GRAMD1B: variants seen among roughly 807,000 people sequenced by gnomAD.
GRAMD1B encodes the protein GRAM domain containing 1B.
GRAMD1B carries 37 observed loss-of-function variants against 99.7 expected under a neutral mutation model. The ratio of observed to expected loss-of-function variants is 0.37; its 90% confidence interval spans 0.29 to 0.49. The LOEUF (loss-of-function observed/expected upper bound fraction) is 0.49, where lower values mean the gene tolerates loss of function less well. GRAMD1B is among the 20% of genes least tolerant of loss of function. The probability of loss-of-function intolerance (pLI) is 0.98; values close to 1 mark genes in which losing one functional copy is unlikely to be tolerated. For synonymous variants in GRAMD1B, 427 were observed against 387.6 expected (o/e 1.10, Z -1.19); for missense variants, 888 against 1,009.2 (o/e 0.88, Z 1.63).
intron 2 of GRAMD1B, among the ~76,000 whole-genome samples, chr11:123,560,915 G>C (rs1410160295): frequency 6.6e-6 from 1 of 152,212 alleles, no homozygotes; most frequent in African/African-American, 2.4e-5. Context: ...CGGAGTCCAT[G>C]TTGTTTGCTT....
chr11:123,398,360 C>G (rs1947541236), intron 1 of GRAMD1B, among the ~76,000 whole-genome samples: 1 of 152,216 alleles, frequency 6.6e-6, no homozygotes, highest in South Asian at 2.1e-4. Flanking sequence ...CTCTCTTCTT[C>G]TTATAAAGCT....
intron 1 of GRAMD1B, among the ~76,000 whole-genome samples, chr11:123,447,325 C>A (rs1260633399): frequency 6.6e-6 from 1 of 152,158 alleles, no homozygotes; most frequent in Admixed American, 6.5e-5. Flanking sequence ...ACTGAGAAGT[C>A]TAGGGCCATG....
intron 1 of GRAMD1B, among the ~76,000 whole-genome samples, chr11:123,471,962 T>C (rs1951036818): frequency 6.6e-6 from 1 of 152,184 alleles, no homozygotes; most frequent in East Asian, 1.9e-4. Flanking sequence ...TGCAATAAAA[T>C]GGCCATCAAG....
intron 14 of GRAMD1B, 68 bp from the exon 15 acceptor site, chr11:123,612,685 CTCCGAATT>C (rs1283694176): frequency 8.7e-6 from 7 of 808,436 alleles, no homozygotes; most frequent in Non-Finnish European, 1.3e-5. Context: ...CTGGCCTTAA[CTCCGAATT>C]TCCCTTTTCC....
chr11:123,526,195 C>T (rs370308354), intron 2 of GRAMD1B: 17 of 1,604,998 alleles, frequency 1.1e-5, no homozygotes, highest in African/African-American at 8.0e-5. Context: ...GGATAGGGCA[C>T]CTTCCTCTTC....
chr11:123,390,299 C>T (rs548819455), intron 1 of GRAMD1B, among the ~76,000 whole-genome samples: 2 of 152,242 alleles, frequency 1.3e-5, no homozygotes, highest in South Asian at 2.1e-4. Flanking sequence ...CTTGCTCTGG[C>T]GGCAGTGGGG....
intron 1 of GRAMD1B, among the ~76,000 whole-genome samples, chr11:123,388,415 G>A (rs998953593): frequency 1.3e-5 from 2 of 152,052 alleles, no homozygotes; most frequent in African/African-American, 4.8e-5. Context: ...GCTCACACCT[G>A]TAATCCCAGA....
At chr11:123,500,831 T>G (rs945139510) in intron 2 of GRAMD1B, among the ~76,000 whole-genome samples, 1 of 151,880 alleles carries the variant, frequency 6.6e-6, no homozygotes, top group Non-Finnish European at 1.5e-5. Flanking sequence ...ACACCACCAC[T>G]CCTGGCTAAT....
At chr11:123,536,550 C>T (rs1374247029) in intron 2 of GRAMD1B, among the ~76,000 whole-genome samples, 7 of 152,122 alleles carry the variant, frequency 4.6e-5, no homozygotes, top group African/African-American at 9.7e-5. Flanking sequence ...GGGCCTGGCA[C>T]GTTATAAAAG....
At chr11:123,609,654 G>A (rs1219662187) in intron 12 of GRAMD1B, 141 bp from the exon 13 acceptor site, 13 of 559,470 alleles carry the variant, frequency 2.3e-5, no homozygotes, top group East Asian at 1.9e-4. Flanking sequence ...CCCTCCCCCC[G>A]GCCCTCGGGC....
intron 2 of GRAMD1B, among the ~76,000 whole-genome samples, chr11:123,516,926 G>A (rs1268531570): frequency 6.6e-6 from 1 of 152,110 alleles, no homozygotes; most frequent in Admixed American, 6.6e-5. Context: ...CCATAAGTAT[G>A]GTTCTGTTTT....
Position 123,612,805 on chromosome 11 carries a change from T to C in GRAMD1B, c.1964T>C (p.Val655Ala). ...TATCGAAAACAGCCCTGGGGGTTAG[T>C]GAAAACGTTCATCGAGAAGAACTTC... Reference protein sequence around the residue: ...LRYRKQPWGLVKTFIEKNFWS... With the variant: ...LRYRKQPWGLAKTFIEKNFWS... Residue 655 changes from valine (V) to alanine (A), a missense_variant, in exon 15 of 20, where the codon GTG (valine) becomes GCG (alanine). By Grantham distance (64) the Val-to-Ala change is moderately conservative (BLOSUM62 0). This residue lies in a region of GRAMD1B where 92 missense variants were observed against 156.9 expected (regional missense o/e 0.59). Transcript: ENST00000635736. 1 of 1,612,578 alleles carries C rather than the reference T, an allele frequency of 6.2e-7. No individual in the cohort carries two copies. Among genetic ancestry groups the C allele is most frequent in the East Asian group, 2.2e-5 (1 of 44,846 alleles).
In GRAMD1B at chr11:123,435,602, A is replaced by G. The variant is rs992976980; in HGVS notation, c.374+4436A>G. 2.3e-4 allele frequency: 140 copies of G among 609,438 alleles called. 1 individual carries two copies. The South Asian group carries it at 2.7e-3, about 12-fold the overall frequency. 37.8% of individuals were successfully genotyped at this position (609,438 alleles called of 1,614,324 possible). ...GAATACTCCAAGACCAATCATGTTC[A>G]TCTTTGTATCGTCACAGCACTGTAC... On this transcript the variant is annotated intron_variant, in intron 1 of 19. Coordinates refer to ENST00000635736, the MANE Select transcript of GRAMD1B (RefSeq NM_001387025.1).
At chr11:123,457,318 T>C (rs1048320521) in intron 1 of GRAMD1B, among the ~76,000 whole-genome samples, 1 of 152,150 alleles carries the variant, frequency 6.6e-6, no homozygotes, top group Non-Finnish European at 1.5e-5. Context: ...GTGTCTCTGT[T>C]AGCTGCCTCT....
At chr11:123,443,034 C>G (rs112758559) in intron 1 of GRAMD1B, among the ~76,000 whole-genome samples, 1,525 of 152,190 alleles carry the variant, frequency 0.01, 28 homozygotes, top group African/African-American at 0.034. Context: ...GTTTTATCAG[C>G]AAGGTCTTTA....
intron 1 of GRAMD1B, among the ~76,000 whole-genome samples, chr11:123,437,176 C>A (rs1949200412): frequency 6.6e-6 from 1 of 152,054 alleles, no homozygotes; most frequent in African/African-American, 2.4e-5. Flanking sequence ...TTTTTGCTGG[C>A]CATGTTGCCC....
intron 1 of GRAMD1B, among the ~76,000 whole-genome samples, chr11:123,449,293 C>T (rs1284613374): frequency 7.2e-5 from 11 of 152,202 alleles, no homozygotes; most frequent in Non-Finnish European, 1.0e-4. Context: ...TCAGTGCCTG[C>T]TAAGCTCTTT....
intron 7 of GRAMD1B, chr11:123,599,537 A>G (rs1385737365): frequency 8.0e-6 from 4 of 501,484 alleles, no homozygotes; most frequent in African/African-American, 3.9e-5. Flanking sequence ...CAGTAGCACT[A>G]TCTTGGCTCA....
intron 1 of GRAMD1B, among the ~76,000 whole-genome samples, chr11:123,448,357 A>G (rs1949732837): frequency 9.2e-6 from 1 of 108,220 alleles, no homozygotes; most frequent in African/African-American, 4.4e-5. Flanking sequence ...GGTTCAAGCG[A>G]TTCTCGTGTG....
Sources: allele counts gnomAD v4.1 joint callset (sites outside exome capture counted in the v4.1 genomes callset), GRCh38; gene constraint gnomAD v4.1.1; regional missense constraint gnomAD v4.1.1; transcripts MANE v1.5; gene names NCBI Gene and HGNC (gene_info 2026-07-23, HGNC 2026-07-21).